The following GLRB variants were observed in gnomAD, a reference collection of about 807,000 sequenced individuals.
GLRB encodes the protein glycine receptor beta.
Under a neutral mutation model 54.2 loss-of-function variants are expected in GLRB, and 33 were observed. That is an observed-to-expected ratio of 0.61 (90% CI 0.46 to 0.81). The LOEUF (loss-of-function observed/expected upper bound fraction) is 0.81. Ranked by LOEUF, GLRB falls within the 40% of genes least tolerant of loss-of-function variation. The probability of loss-of-function intolerance (pLI) is 0.00; values close to 1 mark genes in which losing one functional copy is unlikely to be tolerated. For missense variants in GLRB, 572 were observed against 584.6 expected, an observed-to-expected ratio of 0.98 and a Z score of 0.22; for synonymous variants, 209 against 208.2, an observed-to-expected ratio of 1.00 and a Z score of -0.03.
chr4:157,146,860 G>A (rs535747779), intron 8 of GLRB, among the ~76,000 whole-genome samples: 1 of 152,168 alleles, frequency 6.6e-6, no homozygotes, highest in African/African-American at 2.4e-5. Flanking sequence ...ATGATGGGTG[G>A]TAGTGAAGGT....
rs1258003981 is a variant in GLRB at position 157,141,168 on chromosome 4, A to T, written c.751+2219A>T. 3.9e-5 allele frequency among the ~76,000 whole-genome samples: 6 copies of T among 152,024 alleles called. No homozygotes were observed. In the East Asian group the frequency reaches 9.6e-4, roughly 24 times the overall value. ...CAAGAGTTATAAGCATTTCTGGGAA[A>T]TTTTTTGAGTCATAAATAATTCACT... On this transcript the variant is annotated intron_variant, in intron 7 of 9. Coordinates refer to ENST00000264428, the MANE Select transcript of GLRB (RefSeq NM_000824.5).
At chr4:157,166,250 A>G (rs1174697515) in intron 9 of GLRB, among the ~76,000 whole-genome samples, 1 of 152,096 alleles carries the variant, frequency 6.6e-6, no homozygotes, top group Non-Finnish European at 1.5e-5. Context: ...TGTAATAAGG[A>G]ACAACTGAGA....
chr4:157,098,235 A>G lies in GLRB; in HGVS notation c.122+20089A>G, dbSNP rs941413830. ...TTTCATCCATGCTTGTTGGTATAGG[A>G]GTAGTTCCTCCCTTTTCATTGCTGT... On this transcript the variant is annotated intron_variant, in intron 2 of 9. Coordinates refer to ENST00000264428, the MANE Select transcript of GLRB (RefSeq NM_000824.5). Among the ~76,000 whole-genome samples the G allele has an allele frequency of 9.8e-5, 15 of 152,304 alleles. No homozygotes were observed. The East Asian group carries it at 2.9e-3, about 29-fold the overall frequency.
chr4:157,122,636 C>T (rs1735873141), intron 4 of GLRB, among the ~76,000 whole-genome samples: 3 of 151,652 alleles, frequency 2.0e-5, no homozygotes, highest in Non-Finnish European at 4.4e-5. Flanking sequence ...TTGATGTATT[C>T]CCCCTGAAAA....
rs70958808 is a variant in GLRB, at chr4:157,093,754, C to CAAA, written c.122+15630_122+15632dup. Among the ~76,000 whole-genome samples, 184 of 60,764 alleles carry CAAA rather than the reference C, an allele frequency of 3.0e-3. 1 individual carries two copies. Among genetic ancestry groups the CAAA allele is most frequent in the Non-Finnish European group, 3.7e-3 (119 of 31,858 alleles). The allele number at this position is 60,764 out of a possible 152,430, so 39.9% of individuals were successfully genotyped here. On this transcript the variant is annotated intron_variant, in intron 2 of 9. Transcript: ENST00000264428. ...TGGGCGACAGAGCGAGACTCCATCTCAAAAAAAAAAAAAAAAAAAAAAAAT... is the reference window on the plus strand; with the variant it reads ...TGGGCGACAGAGCGAGACTCCATCTCAAAAAAAAAAAAAAAAAAAAAAAAAAAT...
Position 157,076,154 on chromosome 4 carries a change from G to A in GLRB, c.-173G>A, listed in dbSNP as rs1218752788. 6.7e-6 allele frequency: 1 copy of A among 149,406 alleles called. No homozygotes were observed. Among genetic ancestry groups the A allele is most frequent in the East Asian group, 2.0e-4 (1 of 5,074 alleles). 9.3% of individuals were successfully genotyped at this position (149,406 alleles called of 1,614,324 possible). On this transcript the variant is annotated 5_prime_UTR_variant, in exon 1 of 10. Coordinates refer to ENST00000264428, the MANE Select transcript of GLRB (RefSeq NM_000824.5). ...CGCAGGCTCCGCGGCCCGAGCAGGCGCGTCAGCCGAGCTCGGCGGTGGCGC... is the reference window on the plus strand; with the variant it reads ...CGCAGGCTCCGCGGCCCGAGCAGGCACGTCAGCCGAGCTCGGCGGTGGCGC...
At chr4:157,083,371 A>G (rs1047811120) in intron 2 of GLRB, among the ~76,000 whole-genome samples, 3 of 149,610 alleles carry the variant, frequency 2.0e-5, no homozygotes, top group Admixed American at 6.7e-5. Context: ...AGCTACGGGG[A>G]GGGATATTTT....
intron 2 of GLRB, among the ~76,000 whole-genome samples, chr4:157,096,617 T>G (rs940695745): frequency 4.6e-5 from 7 of 152,194 alleles, no homozygotes; most frequent in Admixed American, 4.6e-4. Context: ...TCATGTTTGT[T>G]GCCTCCTATA....
chr4:157,095,319 A>AG (rs1378495365), intron 2 of GLRB, among the ~76,000 whole-genome samples: 12 of 151,920 alleles, frequency 7.9e-5, no homozygotes. Context: ...AAAAAAAAAA[A>AG]AAGGTTTTTA....
In GLRB at chr4:157,120,475, G is replaced by T. The variant is rs1735772585; in HGVS notation, c.123-81G>T. 7.7e-6 allele frequency: 5 copies of T among 649,674 alleles called. No homozygotes were observed. The South Asian group carries it at 1.1e-4, about 14-fold the overall frequency. The allele number at this position is 649,674 out of a possible 1,614,324, so 40.2% of individuals were successfully genotyped here. A position where few individuals can be genotyped will look rare whatever the true frequency, so the allele number is the denominator to read the frequency against. On this transcript the variant is annotated intron_variant, in intron 2 of 9. Transcript: ENST00000264428. ...GTTGTGGATTTGTCTCAAAAAGGCA[G>T]TCTTTCCTCCCAATGAGAATTACCC...
chr4:157,113,000 G>T (rs1460496655), intron 2 of GLRB, among the ~76,000 whole-genome samples: 1 of 151,772 alleles, frequency 6.6e-6, no homozygotes, highest in Non-Finnish European at 1.5e-5. Context: ...GCTCACAGAG[G>T]GTAAGTGCTT....
intron 2 of GLRB, among the ~76,000 whole-genome samples, chr4:157,112,268 T>G (rs1041742315): frequency 1.3e-5 from 2 of 151,974 alleles, no homozygotes; most frequent in Admixed American, 1.3e-4. Flanking sequence ...TTTCCAACCT[T>G]GAGAATCCAT....
chr4:157,079,310 T>C (rs906425289), intron 2 of GLRB, among the ~76,000 whole-genome samples: 1 of 152,188 alleles, frequency 6.6e-6, no homozygotes, highest in Non-Finnish European at 1.5e-5. Flanking sequence ...TCATTATTAT[T>C]TAAATAGAGA....
intron 4 of GLRB, among the ~76,000 whole-genome samples, chr4:157,124,207 T>C (rs1467858902): frequency 6.6e-6 from 1 of 151,784 alleles, no homozygotes; most frequent in African/African-American, 2.4e-5. Context: ...GAATAACTTA[T>C]CCTCGGTACC....
intron 2 of GLRB, among the ~76,000 whole-genome samples, chr4:157,078,866 G>A (rs538731724): frequency 1.6e-4 from 23 of 146,744 alleles, no homozygotes; most frequent in Middle Eastern, 3.4e-3. Flanking sequence ...TCTACCTCCC[G>A]GGTTCAAGCA....
intron 8 of GLRB, among the ~76,000 whole-genome samples, chr4:157,151,727 G>C (rs940747040): frequency 2.0e-5 from 3 of 152,040 alleles, no homozygotes; most frequent in Admixed American, 2.0e-4. Context: ...AGGGAAAAGA[G>C]AGCCAAGTAG....
chr4:157,110,653 C>G (rs138411609), intron 2 of GLRB, among the ~76,000 whole-genome samples: 1 of 151,760 alleles, frequency 6.6e-6, no homozygotes, highest in East Asian at 2.0e-4. Flanking sequence ...TATTTTATTC[C>G]TTTGTTTGGA....
intron 2 of GLRB, among the ~76,000 whole-genome samples, chr4:157,095,305 CAAAA>C (rs59570434): frequency 3.8e-5 from 3 of 79,206 alleles, no homozygotes; most frequent in East Asian, 6.6e-4. Flanking sequence ...TGTGCCTGAG[CAAAA>C]AAAAAAAAAA....
chr4:157,124,670 A>C (rs1260660367), intron 4 of GLRB, among the ~76,000 whole-genome samples: 2 of 151,838 alleles, frequency 1.3e-5, no homozygotes, highest in African/African-American at 2.4e-5. Context: ...AGACTGAATA[A>C]TGTCGTTACT....
Sources: gnomAD v4.1 joint callset for allele counts (sites outside exome capture counted in the v4.1 genomes callset) on GRCh38, gnomAD v4.1.1 for gene constraint, MANE v1.5 for transcripts, NCBI Gene and HGNC (gene_info 2026-07-23, HGNC 2026-07-21) for gene names.